The following REV3L variants were observed in gnomAD, a reference collection of about 807,000 sequenced individuals.
REV3L encodes the protein DNA polymerase zeta catalytic subunit.
REV3L carries 69 observed loss-of-function variants against 299.4 expected under a neutral mutation model. The ratio of observed to expected loss-of-function variants is 0.23; its 90% confidence interval spans 0.19 to 0.28. The LOEUF (loss-of-function observed/expected upper bound fraction) is 0.28, where lower values mean the gene tolerates loss of function less well. Ranked by LOEUF, REV3L falls within the 10% of genes least tolerant of loss-of-function variation. The pLI is 1.00. For missense variants in REV3L, 3,128 were observed against 3,693.8 expected (o/e 0.85, Z 3.97); for synonymous variants, 1,238 against 1,271.4 (o/e 0.97, Z 0.56).
chr6:111,467,520 T>TATCTGTGGGTTCCAC (rs1276296416), intron 1 of REV3L, among the ~76,000 whole-genome samples: 1 of 152,236 alleles, frequency 6.6e-6, no homozygotes, highest in Non-Finnish European at 1.5e-5. Flanking sequence ...TGGCCCTCCA[T>TATCTGTGGGTTCCAC]ATCTGTGGGT....
intron 16 of REV3L, among the ~76,000 whole-genome samples, chr6:111,361,934 A>G (rs1258784355): frequency 6.6e-6 from 1 of 152,222 alleles, no homozygotes; most frequent in Admixed American, 6.5e-5. Context: ...TGAGACCTCC[A>G]GAGTGATTTT....
rs1275298445 is a variant in REV3L at position 111,465,766 on chromosome 6, A to AAC, written c.139+16983_139+16984insGT. ...AAACCAAAAAAAAAAAAAAAAAAAA[A>AAC]CTTTGTTTAAAATCTTCAGATGGGT... On this transcript the variant is annotated intron_variant, in intron 1 of 31. Coordinates refer to ENST00000368802, the MANE Select transcript of REV3L (RefSeq NM_001372078.1). Among the ~76,000 whole-genome samples the AAC allele has an allele frequency of 5.3e-5, 8 of 150,440 alleles. No individual in the cohort carries two copies. In the East Asian group the frequency reaches 1.6e-3, roughly 29 times the overall value.
At chr6:111,458,268 A>G (rs1174862323) in intron 1 of REV3L, among the ~76,000 whole-genome samples, 1 of 152,014 alleles carries the variant, frequency 6.6e-6, no homozygotes, top group Non-Finnish European at 1.5e-5. Flanking sequence ...CCCTCAATAA[A>G]CTAGGTATCA....
In REV3L at chr6:111,422,614, A is replaced by G. The variant is rs1321752255; in HGVS notation, c.140-6142T>C. ...TATATACACATATATATATATATAC[A>G]CATATATATATATATACACATATAT... On this transcript the variant is annotated intron_variant, in intron 1 of 31. Coordinates refer to ENST00000368802, the MANE Select transcript of REV3L (RefSeq NM_001372078.1). Among the ~76,000 whole-genome samples the G allele has an allele frequency of 2.1e-3, 21 of 9,992 alleles. 3 individuals carry two copies. Among genetic ancestry groups the G allele is most frequent in the African/African-American group, 9.1e-3 (15 of 1,656 alleles). 6.6% of individuals were successfully genotyped at this position (9,992 alleles called of 152,430 possible).
chr6:111,421,899 T>C (rs935625732), intron 1 of REV3L, among the ~76,000 whole-genome samples: 1 of 152,210 alleles, frequency 6.6e-6, no homozygotes, highest in Non-Finnish European at 1.5e-5. Context: ...TTCCTTCCAG[T>C]CTTTCTTTGC....
chr6:111,354,649 C>T (rs1312311787), intron 18 of REV3L, among the ~76,000 whole-genome samples: 1 of 152,104 alleles, frequency 6.6e-6, no homozygotes, highest in African/African-American at 2.4e-5. Context: ...TCTCTAAAAA[C>T]ATTTGGAGAC....
At position 111,307,408 on chromosome 6, in the gene REV3L, T is replaced by A. The variant is rs765276756; in HGVS notation, c.9205A>T (p.Asn3069Tyr). ...SQPQHVAVILNQEIRELERQQ... is the reference protein window; with the variant it reads ...SQPQHVAVILYQEIRELERQQ... ...CGTTCCAACTCCCGGATTTCTTGGT[T>A]GAGGATGACTGCAACATGCTGAGGT... Residue 3069 changes from asparagine (N) to tyrosine (Y), a missense_variant, in exon 31 of 32, where the codon AAC becomes TAC. This residue lies in a region of REV3L where 294 missense variants were observed against 377.0 expected (regional missense o/e 0.78). Transcript: ENST00000368802. The A allele has an allele frequency of 6.2e-7, 1 of 1,614,182 alleles. No homozygotes were observed. The highest frequency in any genetic ancestry group is 1.3e-5 in the African/African-American group (1 of 75,052).
intron 1 of REV3L, among the ~76,000 whole-genome samples, chr6:111,448,877 T>TCCTCAAGCAATCTTG (rs769942571): frequency 1.4e-5 from 2 of 145,530 alleles, no homozygotes; most frequent in African/African-American, 2.5e-5. Flanking sequence ...AGTTAGAGAC[T>TCCTCAAGCAATCTTG]CCTCAAGCAA....
intron 31 of REV3L, among the ~76,000 whole-genome samples, chr6:111,304,089 A>G (rs554618041): frequency 6.6e-6 from 1 of 151,720 alleles, no homozygotes; most frequent in African/African-American, 2.4e-5. Flanking sequence ...AGAGTTTGAT[A>G]TATAATCACA....
At chr6:111,371,618 C>G (rs1157553896) in intron 13 of REV3L, among the ~76,000 whole-genome samples, 1 of 150,520 alleles carries the variant, frequency 6.6e-6, no homozygotes, top group Non-Finnish European at 1.5e-5. Flanking sequence ...CAACAAAGTG[C>G]AGTGGCGTGA....
intron 1 of REV3L, among the ~76,000 whole-genome samples, chr6:111,431,959 A>G (rs1391396460): frequency 1.3e-5 from 2 of 152,046 alleles, no homozygotes; most frequent in Non-Finnish European, 2.9e-5. Flanking sequence ...GACCTGAGGA[A>G]AAAAAAAGAG....
chr6:111,407,197 C>T (rs1183662963), intron 3 of REV3L, among the ~76,000 whole-genome samples: 4 of 152,200 alleles, frequency 2.6e-5, no homozygotes, highest in East Asian at 1.9e-4. Context: ...TCCATCTATC[C>T]AGTAGATGGT....
At chr6:111,481,169 T>C (rs931992037) in intron 1 of REV3L, among the ~76,000 whole-genome samples, 1 of 152,206 alleles carries the variant, frequency 6.6e-6, no homozygotes, top group Non-Finnish European at 1.5e-5. Flanking sequence ...TGCCACAGTA[T>C]ATCCTATTAG....
chr6:111,306,578 TTA>T (rs1772326695), intron 31 of REV3L, among the ~76,000 whole-genome samples: 1 of 152,224 alleles, frequency 6.6e-6, no homozygotes, highest in Non-Finnish European at 1.5e-5. Context: ...TCCTTGCATT[TTA>T]TGTCTATATC....
rs774489998 is a variant in REV3L at position 111,381,394 on chromosome 6, A to G, written c.1147T>C (p.Leu383=). The part of the protein sequence containing the change: ...EEALINEEAI[L]NLMENSQTFQ... ...GTCTGACTATTTTCCATAAGGTTCAAAATTGCTTCTTCATTAATAAGAGCT... is the reference window on the plus strand; with the variant it reads ...GTCTGACTATTTTCCATAAGGTTCAGAATTGCTTCTTCATTAATAAGAGCT... The change falls in exon 10 of 32, where the codon TTG becomes CTG. Residue 383 remains leucine (L), a synonymous_variant. Coordinates refer to ENST00000368802, the MANE Select transcript of REV3L (RefSeq NM_001372078.1). 2 of 1,613,492 alleles carry G rather than the reference A, an allele frequency of 1.2e-6. No homozygotes were observed. Among genetic ancestry groups the G allele is most frequent in the African/African-American group, 2.7e-5 (2 of 74,932 alleles).
At chr6:111,452,265 C>T (rs35856111) in intron 1 of REV3L, among the ~76,000 whole-genome samples, 8,511 of 152,160 alleles carry the variant, frequency 0.056, 275 homozygotes, top group Middle Eastern at 0.085. Flanking sequence ...GGAGCTAATG[C>T]AAAATGGTAC....
chr6:111,413,473 GAGA>G (rs1784455892), intron 2 of REV3L, among the ~76,000 whole-genome samples: 1 of 152,110 alleles, frequency 6.6e-6, no homozygotes, highest in Non-Finnish European at 1.5e-5. Flanking sequence ...AATCATGAGT[GAGA>G]AGGAATCCCA....
Position 111,375,331 on chromosome 6 carries a change from T to C in REV3L, c.3024A>G (p.Glu1008=). The C allele has an allele frequency of 1.3e-6, 2 of 1,579,518 alleles. No individual in the cohort carries two copies. The highest frequency in any genetic ancestry group is 1.7e-6 in the Non-Finnish European group (2 of 1,171,420). Residue 1008 remains glutamate, a synonymous_variant, in exon 13 of 32, where the codon GAA becomes GAG. Coordinates refer to ENST00000368802, the MANE Select transcript of REV3L (RefSeq NM_001372078.1). ...GCTTTTTATATAGTTCCATTTTTTC[T>C]TCTGTTAATATTACTTGTTTTTCTT... ...DSKEKQVILT[E]EKMELYKKLA...
chr6:111,380,459 C>T (rs1002863445), intron 10 of REV3L, among the ~76,000 whole-genome samples: 2 of 152,096 alleles, frequency 1.3e-5, no homozygotes, highest in Admixed American at 6.5e-5. Context: ...TGGGGTTTCA[C>T]CGTGTTAGCC....
Sources: gnomAD v4.1 joint callset for allele counts (sites outside exome capture counted in the v4.1 genomes callset) on GRCh38, gnomAD v4.1.1 for gene constraint, gnomAD v4.1.1 regional missense constraint, MANE v1.5 for transcripts, NCBI Gene and HGNC (gene_info 2026-07-23, HGNC 2026-07-21) for gene names.